MTAP: variants seen among roughly 807,000 people sequenced by gnomAD.
MTAP encodes the protein S-methyl-5'-thioadenosine phosphorylase.
MTAP carries 33 observed loss-of-function variants against 33.6 expected under a neutral mutation model. That is an observed-to-expected ratio of 0.98 (90% CI 0.74 to 1.31). The LOEUF (loss-of-function observed/expected upper bound fraction) is 1.31, where lower values mean the gene tolerates loss of function less well. Ranked by LOEUF, MTAP falls within the 40% of genes most tolerant of loss-of-function variation. The pLI, the probability that MTAP is intolerant of heterozygous loss-of-function variation, is 0.00. For missense variants in MTAP, 367 were observed against 360.0 expected (o/e 1.02, Z -0.16); for synonymous variants, 148 against 125.7 (o/e 1.18, Z -1.19).
rs531006335 is a variant in MTAP, at chr9:21,856,000, T to C, written c.690+1130T>C. On this transcript the variant is annotated intron_variant, in intron 6 of 7. Coordinates refer to ENST00000644715, the MANE Select transcript of MTAP (RefSeq NM_002451.4). Reference sequence around the variant, plus strand: ...AGTCTCATAATTTTTAACAATTTGATCAAATCAGAATCCCTTACAATCCAT... The same window carrying C: ...AGTCTCATAATTTTTAACAATTTGACCAAATCAGAATCCCTTACAATCCAT... The C allele has an allele frequency of 1.4e-4, 26 of 192,012 alleles. No individual in the cohort carries two copies. In the Middle Eastern group the frequency reaches 0.011, roughly 78 times the overall value. 11.9% of individuals were successfully genotyped at this position (192,012 alleles called of 1,614,324 possible).
intron 1 of MTAP, among the ~76,000 whole-genome samples, chr9:21,903,291 G>A (rs969033993): frequency 6.6e-6 from 1 of 152,142 alleles, no homozygotes; most frequent in African/African-American, 2.4e-5. Context: ...TCGTGAACAA[G>A]TTATCCTGAA....
chr9:21,893,203 T>TG (rs1168398299), intron 1 of MTAP: 10 of 152,136 alleles, frequency 6.6e-5, no homozygotes, highest in African/African-American at 2.4e-4. Context: ...GTCCTGCCCT[T>TG]GACACATGGG....
At chr9:21,816,469 T>C (rs1824478118) in intron 2 of MTAP, among the ~76,000 whole-genome samples, 1 of 152,160 alleles carries the variant, frequency 6.6e-6, no homozygotes, top group South Asian at 2.1e-4. Flanking sequence ...TCGTTACAAA[T>C]AGATCTGACT....
At chr9:21,826,911 T>C (rs541701878) in intron 4 of MTAP, among the ~76,000 whole-genome samples, 249 of 152,140 alleles carry the variant, frequency 1.6e-3, no homozygotes, top group Non-Finnish European at 2.6e-3. Flanking sequence ...TAGAGTCTCA[T>C]AGGAGCAGGA....
At position 21,903,104 on chromosome 9, in the gene MTAP, T is replaced by C. The variant is rs149244413; in HGVS notation, c.148-27904T>C. 3.8e-3 allele frequency among the ~76,000 whole-genome samples: 572 copies of C among 152,234 alleles called. 6 individuals are homozygous for C. The highest frequency in any genetic ancestry group is 0.012 in the African/African-American group (508 of 41,532). On this transcript the variant is annotated intron_variant, in intron 1 of 1. Transcript: ENST00000577563. ...AGTGATTACAAATGAGGAAGGAGGA[T>C]TGGAGGATTTCCGGCTGCTTTCTGT...
At chr9:21,869,650 A>G (rs556203365), downstream of MTAP, among the ~76,000 whole-genome samples, 2 of 152,276 alleles carry the variant, frequency 1.3e-5, no homozygotes, top group Non-Finnish European at 2.9e-5. Context: ...AAAAACTTGA[A>G]GTCCTTGACT....
At chr9:21,818,591 C>T (rs1563832536) in intron 4 of MTAP, among the ~76,000 whole-genome samples, 1 of 152,124 alleles carries the variant, frequency 6.6e-6, no homozygotes, top group Non-Finnish European at 1.5e-5. Context: ...GCGCAAAGTG[C>T]TGGGATTACA....
chr9:21,889,910 C>T (rs1030171690), intron 1 of MTAP, among the ~76,000 whole-genome samples: 4 of 152,246 alleles, frequency 2.6e-5, no homozygotes, highest in Non-Finnish European at 1.5e-5. Context: ...CAGAAGGTGG[C>T]TCTCTCAAGA....
intron 1 of MTAP, among the ~76,000 whole-genome samples, chr9:21,804,507 T>A (rs1361484973): frequency 1.3e-5 from 2 of 152,210 alleles, no homozygotes; most frequent in Non-Finnish European, 2.9e-5. Context: ...CTTCTGGATA[T>A]AAAATTAAGA....
In MTAP at chr9:21,815,522, T is replaced by G. The variant is rs1243997463; in HGVS notation, c.120+3T>G. ...ATGTGGATACTCCATTTGGCAAGGT[T>G]AATATCCAACTTGTGGAGACATGTT... On this transcript the variant is annotated splice_donor_region_variant and intron_variant, in intron 2 of 7. Transcript: ENST00000644715. 3 of 1,594,186 alleles carry G rather than the reference T, an allele frequency of 1.9e-6. No homozygotes were observed. Among genetic ancestry groups the G allele is most frequent in the African/African-American group, 1.3e-5 (1 of 74,338 alleles).
In MTAP at chr9:21,922,801, C is replaced by A. The variant is rs1818809179; in HGVS notation, c.148-8207C>A. Among the ~76,000 whole-genome samples the A allele has an allele frequency of 6.6e-6, 1 of 152,174 alleles. No individual in the cohort carries two copies. Among genetic ancestry groups the A allele is most frequent in the Non-Finnish European group, 1.5e-5 (1 of 68,032 alleles). ...TCTCTCAGCTTACCCTGACCGGTGG[C>A]TTACAGGGGTAGGAAGGACCTTGGA... On this transcript the variant is annotated intron_variant, in intron 1 of 1. Coordinates refer to the MTAP transcript ENST00000577563. This position sits in a 1 kb window ranked among gnomAD's most constrained non-coding sequence, Gnocchi z 4.8.
At chr9:21,824,143 G>C (rs990646624) in intron 4 of MTAP, among the ~76,000 whole-genome samples, 7 of 152,214 alleles carry the variant, frequency 4.6e-5, no homozygotes, top group African/African-American at 1.7e-4. Flanking sequence ...CATTGCTGGC[G>C]AGGAGCTGTG....
chr9:21,933,319 C>T (rs1333807821), downstream of MTAP: 4 of 152,146 alleles, frequency 2.6e-5, no homozygotes, highest in Non-Finnish European at 5.9e-5. Context: ...TTTATATCTA[C>T]AAAGGAAGTC....
At chr9:21,907,405 A>G (rs1818493055) in intron 1 of MTAP, among the ~76,000 whole-genome samples, 2 of 152,184 alleles carry the variant, frequency 1.3e-5, no homozygotes, top group Non-Finnish European at 2.9e-5. Context: ...AAAACCTACA[A>G]AAATTAGCTG....
At chr9:21,832,736 C>T (rs536100111) in intron 4 of MTAP, among the ~76,000 whole-genome samples, 4 of 152,326 alleles carry the variant, frequency 2.6e-5, no homozygotes, top group South Asian at 2.1e-4. Context: ...AAAAATCCTA[C>T]ACTACCAGTT....
intron 1 of MTAP, among the ~76,000 whole-genome samples, chr9:21,913,827 C>G (rs970464594): frequency 2.0e-5 from 3 of 152,114 alleles, no homozygotes; most frequent in African/African-American, 7.2e-5. Context: ...AAACTACCAA[C>G]CTACAGTGAA....
In MTAP at chr9:21,863,440, T is replaced by C. The variant is rs1405972758; in HGVS notation, c.*1426T>C. The C allele has an allele frequency of 3.3e-6, 2 of 607,232 alleles. No individual in the cohort carries two copies. Among genetic ancestry groups the C allele is most frequent in the Non-Finnish European group, 4.1e-6 (2 of 484,588 alleles). 37.6% of individuals were successfully genotyped at this position (607,232 alleles called of 1,614,324 possible). ...GGCTAATGCGTTGAAACTCCGTCTC[T>C]ACTAAAAATACAAAAAATTAGCTGG... is the stretch of plus-strand genomic sequence containing the variant. On this transcript the variant is annotated 3_prime_UTR_variant, in exon 8 of 8. Coordinates refer to ENST00000644715, the MANE Select transcript of MTAP (RefSeq NM_002451.4).
intron 4 of MTAP, 48 bp downstream of exon 4, chr9:21,818,250 C>T (rs1447075094): frequency 1.3e-6 from 2 of 1,496,892 alleles, no homozygotes; most frequent in Admixed American, 3.6e-5. Context: ...TGGTCATTTT[C>T]AGCTCAAATG....
chr9:21,822,552 A>G (rs1045981590), intron 4 of MTAP, among the ~76,000 whole-genome samples: 10 of 151,990 alleles, frequency 6.6e-5, no homozygotes, highest in South Asian at 4.2e-4. Flanking sequence ...ACTTCCAACT[A>G]TGTGGTCAAT....
Sources: gnomAD v4.1 joint callset for allele counts (sites outside exome capture counted in the v4.1 genomes callset) on GRCh38, gnomAD v4.1.1 for gene constraint, Gnocchi (gnomAD v3.1) non-coding constraint, MANE v1.5 for transcripts, NCBI Gene and HGNC (gene_info 2026-07-23, HGNC 2026-07-21) for gene names.